DLC1: variants seen among roughly 807,000 people sequenced by gnomAD.
DLC1 encodes the protein DLC1 Rho GTPase activating protein, also known as rho GTPase-activating protein 7.
In DLC1, 54 loss-of-function variants were observed where a neutral mutation model predicts 140.3. The ratio of observed to expected loss-of-function variants is 0.38; its 90% confidence interval spans 0.31 to 0.48. The LOEUF is 0.48. Ranked by LOEUF, DLC1 falls within the 20% of genes least tolerant of loss-of-function variation. The pLI is 0.96. For synonymous variants in DLC1, 986 were observed against 728.1 expected (o/e 1.35, Z -5.70); for missense variants, 2,536 against 1,907.0 (o/e 1.33, Z -6.14).
chr8:13,514,543 A>T (rs1212059727), intron 1 of DLC1, 59 bp downstream of exon 1: 2 of 398,456 alleles, frequency 5.0e-6, no homozygotes, highest in Admixed American at 4.4e-5. Flanking sequence ...CATTTATCTC[A>T]ATCTTTCTGC....
intron 2 of DLC1, among the ~76,000 whole-genome samples, chr8:13,483,322 AG>A (rs1204965617): frequency 6.6e-6 from 1 of 152,204 alleles, no homozygotes; most frequent in East Asian, 1.9e-4. Context: ...TCATATTTGC[AG>A]GTTCCAGGGG....
intron 7 of DLC1, 64 bp from the exon 8 acceptor site, chr8:13,102,917 C>A: frequency 7.3e-7 from 1 of 1,368,734 alleles, no homozygotes; most frequent in Non-Finnish European, 1.0e-6. Context: ...TGGATAAACA[C>A]CTGTTTTTAA....
intron 7 of DLC1, among the ~76,000 whole-genome samples, chr8:13,106,127 A>G (rs868841417): frequency 3.3e-5 from 5 of 152,288 alleles, no homozygotes; most frequent in Middle Eastern, 3.4e-3. Flanking sequence ...CAGAGGTTCA[A>G]GAGCTTCTCT....
chr8:13,390,708 C>A (rs1163470274), intron 4 of DLC1, among the ~76,000 whole-genome samples: 1 of 152,158 alleles, frequency 6.6e-6, no homozygotes, highest in Non-Finnish European at 1.5e-5. Context: ...GAAAAACAGG[C>A]CAGGTGTGGT....
At chr8:13,433,973 AGCCTCCCGAGCAGCTGCGATTACAG>A (rs1839000177) in intron 2 of DLC1, among the ~76,000 whole-genome samples, 1 of 152,212 alleles carries the variant, frequency 6.6e-6, no homozygotes, top group African/African-American at 2.4e-5. Flanking sequence ...CTTCTGCCTC[AGCCTCCCGAGCAGCTGCGATTACAG>A]GCCTGTGCCA....
intron 4 of DLC1, among the ~76,000 whole-genome samples, chr8:13,315,506 C>T (rs941712983): frequency 1.3e-5 from 2 of 152,176 alleles, no homozygotes; most frequent in Admixed American, 6.5e-5. Flanking sequence ...GAGGAGTCTG[C>T]TCTGTGGTGT....
intron 2 of DLC1, among the ~76,000 whole-genome samples, chr8:13,424,182 GA>G: frequency 6.6e-6 from 1 of 152,088 alleles, no homozygotes; most frequent in East Asian, 1.9e-4. Context: ...GTCCTACCTG[GA>G]AAAAATAGAA....
intron 5 of DLC1, among the ~76,000 whole-genome samples, chr8:13,137,662 T>C (rs1822675552): frequency 6.7e-6 from 1 of 148,474 alleles, no homozygotes; most frequent in Non-Finnish European, 1.5e-5. Context: ...AGTGCAGTGG[T>C]GGGTTCTCAG....
rs190868657 is a variant in DLC1, at chr8:13,574,279, A to G, written c.-126+30258T>C. The stretch of plus-strand genomic sequence containing the variant: ...CTTTAAACAATTAACATAAAAATAT[A>G]TTTCTAGGCAATACACAGTTTCAAG... On this transcript the variant is annotated intron_variant, in intron 1 of 1. Transcript: ENST00000631382. Among the ~76,000 whole-genome samples, 995 of 152,294 alleles carry G rather than the reference A, an allele frequency of 6.5e-3. 10 individuals carry two copies. Among genetic ancestry groups the G allele is most frequent in the Non-Finnish European group, 7.1e-3 (481 of 68,016 alleles).
chr8:13,400,255 T>A (rs1295775069), intron 3 of DLC1, among the ~76,000 whole-genome samples: 2 of 152,160 alleles, frequency 1.3e-5, no homozygotes, highest in Non-Finnish European at 2.9e-5. Flanking sequence ...GAACTGACCA[T>A]CACTAAATAT....
At chr8:13,354,801 T>G (rs543007798) in intron 4 of DLC1, among the ~76,000 whole-genome samples, 2 of 148,034 alleles carry the variant, frequency 1.4e-5, no homozygotes, top group African/African-American at 5.0e-5. Context: ...AAAAAAAAAT[T>G]AGCTGGGCAT....
At chr8:13,267,839 A>G (rs1471960106) in intron 5 of DLC1, among the ~76,000 whole-genome samples, 1 of 151,862 alleles carries the variant, frequency 6.6e-6, no homozygotes, top group Non-Finnish European at 1.5e-5. Flanking sequence ...GAAGGGTTAC[A>G]TTATGGTATC....
chr8:13,297,290 A>AAAAAAAAAAAAAAAC (rs1586089379), intron 5 of DLC1, among the ~76,000 whole-genome samples: 1 of 143,494 alleles, frequency 7.0e-6, no homozygotes, highest in Admixed American at 7.1e-5. Context: ...ATTAAAAAAA[A>AAAAAAAAAAAAAAAC]AAAAAACTGA....
At chr8:13,583,927 T>C (rs1805209053) in intron 1 of DLC1, 1 of 152,284 alleles carries the variant, frequency 6.6e-6, no homozygotes, top group South Asian at 2.1e-4. Flanking sequence ...GATGACATCC[T>C]GGACAGCTAT....
At chr8:13,297,389 G>C (rs1361315446) in intron 5 of DLC1, among the ~76,000 whole-genome samples, 3 of 150,236 alleles carry the variant, frequency 2.0e-5, no homozygotes, top group Non-Finnish European at 4.4e-5. Context: ...TGTTGGTCAA[G>C]GCCCAGGCTG....
At chr8:13,267,248 C>CA (rs1438713098) in intron 5 of DLC1, among the ~76,000 whole-genome samples, 1 of 150,716 alleles carries the variant, frequency 6.6e-6, no homozygotes, top group African/African-American at 2.4e-5. Context: ...CTTCATTTTG[C>CA]AAAAAAGTTA....
chr8:13,237,282 T>G (rs1212023668), intron 5 of DLC1, among the ~76,000 whole-genome samples: 8 of 147,606 alleles, frequency 5.4e-5, no homozygotes, highest in African/African-American at 2.0e-4. Context: ...GGTGTATATA[T>G]ATATATAAAT....
chr8:13,114,631 G>A (rs961308348), intron 6 of DLC1, among the ~76,000 whole-genome samples: 1 of 152,072 alleles, frequency 6.6e-6, no homozygotes, highest in African/African-American at 2.4e-5. Flanking sequence ...ATTACAAATG[G>A]TGGGAAAGAT....
intron 5 of DLC1, among the ~76,000 whole-genome samples, chr8:13,178,710 A>T (rs1825883722): frequency 1.3e-5 from 2 of 152,070 alleles, no homozygotes; most frequent in African/African-American, 4.8e-5. Flanking sequence ...TTTATAAAGA[A>T]CTCCTAAAAA....
Sources: gnomAD v4.1 joint callset for allele counts (sites outside exome capture counted in the v4.1 genomes callset) on GRCh38, gnomAD v4.1.1 for gene constraint, MANE v1.5 for transcripts, NCBI Gene and HGNC (gene_info 2026-07-23, HGNC 2026-07-21) for gene names.